The following CD47 variants were observed in gnomAD, a reference collection of about 807,000 sequenced individuals.
CD47 encodes CD47 molecule, also known as leukocyte surface antigen CD47.
In CD47, 11 loss-of-function variants were observed where a neutral mutation model predicts 44.6. The ratio of observed to expected loss-of-function variants is 0.25; its 90% CI spans 0.16 to 0.41. The LOEUF is 0.41. CD47 is among the 10% of genes least tolerant of loss of function. The probability of loss-of-function intolerance (pLI) is 1.00; values close to 1 mark genes in which losing one functional copy is unlikely to be tolerated. For synonymous variants in CD47, 140 were observed against 136.3 expected, an observed-to-expected ratio of 1.03 and a Z score of -0.19; for missense variants, 306 against 386.7, an observed-to-expected ratio of 0.79 and a Z score of 1.75.
At chr3:108,052,554 G>T (rs2078846625) in intron 7 of CD47, 1 of 152,652 alleles carries the variant, frequency 6.6e-6, no homozygotes, top group African/African-American at 2.4e-5. Flanking sequence ...GCTTCCAAAT[G>T]GATTCATTAA....
chr3:108,089,990 A>G (rs932730809), intron 1 of CD47, among the ~76,000 whole-genome samples: 1 of 136,448 alleles, frequency 7.3e-6, no homozygotes, highest in Non-Finnish European at 1.6e-5. Flanking sequence ...AATGGATTCC[A>G]AAAGCTCGGG....
chr3:108,080,783 T>C (rs750866917), intron 1 of CD47, among the ~76,000 whole-genome samples: 19 of 151,896 alleles, frequency 1.3e-4, no homozygotes, highest in African/African-American at 1.9e-4. Flanking sequence ...CACTGCTAAA[T>C]AGAACTTGCT....
rs897844836 is a variant in CD47 at position 108,045,607 on chromosome 3, A to T, written c.*1681T>A. On this transcript the variant is annotated 3_prime_UTR_variant, in exon 11 of 11. Coordinates refer to ENST00000361309, the MANE Select transcript of CD47 (RefSeq NM_001777.4). ...TCTTGCTAGTATGCTCAGTTTTCTG[A>T]GAGGCCTCAGCAGGTCATAAATTTA... 2.6e-5 allele frequency: 4 copies of T among 152,110 alleles called. No homozygotes were observed. The highest frequency in any genetic ancestry group is 5.9e-5 in the Non-Finnish European group (4 of 67,950). The allele number at this position is 152,110 out of a possible 1,614,324, so 9.4% of individuals were successfully genotyped here. A position where few individuals can be genotyped will look rare whatever the true frequency, so the allele number is the denominator to read the frequency against.
intron 10 of CD47, among the ~76,000 whole-genome samples, chr3:108,048,241 G>C (rs1435000266): frequency 6.6e-6 from 1 of 152,046 alleles, no homozygotes; most frequent in East Asian, 1.9e-4. Context: ...TTTTTTAGGA[G>C]GGTAATGGCT....
At chr3:108,056,649 T>G (rs999258973) in intron 7 of CD47, among the ~76,000 whole-genome samples, 5 of 152,170 alleles carry the variant, frequency 3.3e-5, no homozygotes, top group Non-Finnish European at 5.9e-5. Context: ...AATATAATTT[T>G]TTTAAAAAAC....
intron 1 of CD47, among the ~76,000 whole-genome samples, chr3:108,089,189 A>G (rs1268983022): frequency 6.6e-6 from 1 of 152,170 alleles, no homozygotes; most frequent in Admixed American, 6.5e-5. Context: ...ACACAACTCA[A>G]CTGCATAATG....
intron 10 of CD47, among the ~76,000 whole-genome samples, chr3:108,048,010 T>C (rs1030430846): frequency 2.6e-5 from 4 of 151,520 alleles, no homozygotes; most frequent in Non-Finnish European, 5.9e-5. Context: ...AGTTTCTTCA[T>C]ACAGCTACAG....
intron 3 of CD47, 104 bp from the exon 4 acceptor site, chr3:108,060,956 A>G: frequency 1.4e-6 from 1 of 704,102 alleles, no homozygotes; most frequent in Non-Finnish European, 2.4e-6. Context: ...CTATAATGTA[A>G]TAACTTATGA....
At chr3:108,087,018 TC>T (rs1447240033) in intron 1 of CD47, among the ~76,000 whole-genome samples, 1 of 151,778 alleles carries the variant, frequency 6.6e-6, no homozygotes, top group Non-Finnish European at 1.5e-5. Context: ...GCAGAGGGAG[TC>T]CAAACCACAC....
chr3:108,081,809 C>G (rs1447649879), intron 1 of CD47, among the ~76,000 whole-genome samples: 2 of 151,894 alleles, frequency 1.3e-5, no homozygotes, highest in Non-Finnish European at 2.9e-5. Flanking sequence ...ACTATAAAAA[C>G]TAGATAATCT....
chr3:108,050,919 C>A, intron 8 of CD47: 1 of 365,232 alleles, frequency 2.7e-6, no homozygotes, highest in Non-Finnish European at 5.4e-6. Flanking sequence ...ATAGCAACAA[C>A]AGAATAAATA....
intron 1 of CD47, among the ~76,000 whole-genome samples, chr3:108,087,347 T>A (rs2079541494): frequency 6.6e-6 from 1 of 152,080 alleles, no homozygotes; most frequent in Admixed American, 6.6e-5. Flanking sequence ...GCAATCCCCC[T>A]AATGAATTTA....
intron 3 of CD47, among the ~76,000 whole-genome samples, chr3:108,064,490 A>C (rs2079071041): frequency 6.6e-6 from 1 of 152,212 alleles, no homozygotes; most frequent in South Asian, 2.1e-4. Flanking sequence ...AATAGACAGC[A>C]CATACAAGAT....
intron 8 of CD47, among the ~76,000 whole-genome samples, chr3:108,051,081 A>C (rs1453160967): frequency 2.0e-5 from 3 of 152,210 alleles, no homozygotes; most frequent in African/African-American, 7.2e-5. Context: ...ATCTTTCTAG[A>C]ATATACCCCT....
At chr3:108,088,184 C>T (rs1259832953) in intron 1 of CD47, among the ~76,000 whole-genome samples, 2 of 152,118 alleles carry the variant, frequency 1.3e-5, no homozygotes, top group Admixed American at 6.5e-5. Flanking sequence ...AAAAGCAATG[C>T]CTATATACTA....
Position 108,043,603 on chromosome 3 carries a change from G to C in CD47, c.*3685C>G, listed in dbSNP as rs2078664962. On this transcript the variant is annotated 3_prime_UTR_variant, in exon 11 of 11. Transcript: ENST00000361309. Reference sequence around the variant, plus strand: ...GCAACACTGGAGTTCTCTTTATTTAGAATGGTTAATAGATATTTATACGAT... The same window carrying C: ...GCAACACTGGAGTTCTCTTTATTTACAATGGTTAATAGATATTTATACGAT... 1.3e-5 allele frequency: 2 copies of C among 152,580 alleles called. No individual in the cohort carries two copies. Among genetic ancestry groups the C allele is most frequent in the African/African-American group, 4.8e-5 (2 of 41,438 alleles). 9.5% of individuals were successfully genotyped at this position (152,580 alleles called of 1,614,324 possible).
chr3:108,049,736 T>C, intron 9 of CD47, 85 bp from the exon 10 acceptor site: 1 of 893,836 alleles, frequency 1.1e-6, no homozygotes, highest in East Asian at 2.4e-5. Flanking sequence ...TGCAATGATA[T>C]GCTAACTAGT....
At chr3:108,063,531 A>G (rs1281432337) in intron 3 of CD47, among the ~76,000 whole-genome samples, 1 of 152,242 alleles carries the variant, frequency 6.6e-6, no homozygotes, top group Non-Finnish European at 1.5e-5. Flanking sequence ...AATTTGATAT[A>G]ATAGATGCCA....
chr3:108,063,590 C>T (rs2079056711), intron 3 of CD47, among the ~76,000 whole-genome samples: 1 of 152,122 alleles, frequency 6.6e-6, no homozygotes, highest in Non-Finnish European at 1.5e-5. Context: ...TCTTGTCCTT[C>T]AGTAAGTGGA....
Sources: gnomAD v4.1 joint callset for allele counts (sites outside exome capture counted in the v4.1 genomes callset) on GRCh38, gnomAD v4.1.1 for gene constraint, MANE v1.5 for transcripts, NCBI Gene and HGNC (gene_info 2026-07-23, HGNC 2026-07-21) for gene names.